The following GRIA1 variants were observed in gnomAD, a reference collection of about 807,000 sequenced individuals.
GRIA1 encodes the protein glutamate receptor 1.
In GRIA1, 31 loss-of-function variants were observed where a neutral mutation model predicts 99.2. The observed-to-expected ratio is 0.31, with a 90% CI of 0.23 to 0.42. GRIA1 has a LOEUF of 0.42. Ranked by LOEUF, GRIA1 falls within the 10% of genes least tolerant of loss-of-function variation. GRIA1 has a pLI of 1.00. For synonymous variants in GRIA1, 438 were observed against 432.4 expected (o/e 1.01, Z -0.16); for missense variants, 782 against 1,157.5 (o/e 0.68, Z 4.71).
intron 11 of GRIA1, among the ~76,000 whole-genome samples, chr5:153,710,847 C>T (rs1267197788): frequency 6.6e-6 from 1 of 152,074 alleles, no homozygotes; most frequent in East Asian, 1.9e-4. Context: ...TTGGGATGTG[C>T]TATGAATAAA....
chr5:153,796,132 G>T (rs1233354102), intron 14 of GRIA1, among the ~76,000 whole-genome samples: 1 of 151,534 alleles, frequency 6.6e-6, no homozygotes, highest in Admixed American at 6.6e-5. Context: ...CTCCAAGCAG[G>T]GTTCTCCATC....
chr5:153,769,941 A>C (rs928369355), intron 12 of GRIA1, among the ~76,000 whole-genome samples: 1 of 152,142 alleles, frequency 6.6e-6, no homozygotes, highest in Non-Finnish European at 1.5e-5. Context: ...GAAGTAATTA[A>C]AAGATCTGAG....
chr5:153,587,880 C>A (rs1198262325), intron 2 of GRIA1, among the ~76,000 whole-genome samples: 2 of 152,124 alleles, frequency 1.3e-5, no homozygotes, highest in South Asian at 2.1e-4. Flanking sequence ...ATGGATAATG[C>A]CACTGTGATG....
chr5:153,583,387 TA>T (rs1763212460), intron 2 of GRIA1, among the ~76,000 whole-genome samples: 1 of 152,180 alleles, frequency 6.6e-6, no homozygotes, highest in South Asian at 2.1e-4. Flanking sequence ...GTGCTCTCTC[TA>T]AAACCTGTAA....
At chr5:153,675,053 G>GA (rs1288577710) in intron 6 of GRIA1, among the ~76,000 whole-genome samples, 27 of 151,094 alleles carry the variant, frequency 1.8e-4, no homozygotes, top group East Asian at 7.8e-4. Flanking sequence ...CCAGTAGGAA[G>GA]AAAAAAAAAC....
At chr5:153,736,389 T>C (rs1761380168) in intron 11 of GRIA1, among the ~76,000 whole-genome samples, 1 of 152,172 alleles carries the variant, frequency 6.6e-6, no homozygotes, top group Non-Finnish European at 1.5e-5. Context: ...AGAAGAAGCA[T>C]TAACCAACTG....
At position 153,698,166 on chromosome 5, in the gene GRIA1, G is replaced by A. The variant is rs377137171; in HGVS notation, c.1245+12G>A. 2.7e-5 allele frequency: 38 copies of A among 1,387,844 alleles called. No individual in the cohort carries two copies. The African/African-American group carries it at 5.0e-4, about 18-fold the overall frequency. The allele number at this position is 1,387,844 out of a possible 1,614,324, so 86.0% of individuals were successfully genotyped here. On this transcript the variant is annotated intron_variant, in intron 9 of 15. Coordinates refer to ENST00000285900, the MANE Select transcript of GRIA1 (RefSeq NM_000827.4). ...TCACAACAATCCTAGTGAGTACTCA[G>A]TCCTTCATCAAGGTTACTTGGGATT... is the stretch of plus-strand genomic sequence containing the variant.
At chr5:153,696,599 A>G (rs1298702901) in intron 8 of GRIA1, among the ~76,000 whole-genome samples, 2 of 152,242 alleles carry the variant, frequency 1.3e-5, no homozygotes, top group East Asian at 3.8e-4. Flanking sequence ...AACTGAAGGA[A>G]CTGGGAAAGA....
chr5:153,769,173 G>C (rs1051006676), intron 12 of GRIA1, among the ~76,000 whole-genome samples: 1 of 152,146 alleles, frequency 6.6e-6, no homozygotes. Context: ...TCCCATAAGA[G>C]TATCAGCCCT....
intron 11 of GRIA1, among the ~76,000 whole-genome samples, chr5:153,742,866 G>T (rs1184906602): frequency 1.3e-5 from 2 of 152,212 alleles, no homozygotes; most frequent in African/African-American, 4.8e-5. Context: ...CCTATTTTAA[G>T]ATCCCTAACC....
At chr5:153,509,998 T>C (rs1362764292) in intron 2 of GRIA1, among the ~76,000 whole-genome samples, 1 of 152,156 alleles carries the variant, frequency 6.6e-6, no homozygotes, top group Non-Finnish European at 1.5e-5. Flanking sequence ...AGATCTAAAG[T>C]CTCTTTGATC....
chr5:153,600,235 CA>C (rs900121268), intron 2 of GRIA1, among the ~76,000 whole-genome samples: 13 of 151,304 alleles, frequency 8.6e-5, no homozygotes, highest in African/African-American at 2.4e-4. Context: ...ACTAAAAATA[CA>C]AAAAAACTAG....
At chr5:153,547,168 T>G (rs774766728) in intron 2 of GRIA1, among the ~76,000 whole-genome samples, 1 of 150,090 alleles carries the variant, frequency 6.7e-6, no homozygotes, top group African/African-American at 2.5e-5. Context: ...ATGAGACTTT[T>G]TGTGTGATTT....
intron 2 of GRIA1, among the ~76,000 whole-genome samples, chr5:153,591,456 C>G (rs1763968214): frequency 1.3e-5 from 2 of 152,342 alleles, no homozygotes; most frequent in South Asian, 4.1e-4. Flanking sequence ...GTCAGATCCT[C>G]ATTCACAGGT....
chr5:153,561,633 T>C (rs1226535567), intron 2 of GRIA1, among the ~76,000 whole-genome samples: 1 of 152,214 alleles, frequency 6.6e-6, no homozygotes, highest in Non-Finnish European at 1.5e-5. Context: ...GCTTTTACCT[T>C]GGCTTAAAGC....
chr5:153,766,509 G>C (rs1403380698), intron 12 of GRIA1, among the ~76,000 whole-genome samples: 1 of 152,130 alleles, frequency 6.6e-6, no homozygotes, highest in Admixed American at 6.6e-5. Flanking sequence ...TGTGACCTCA[G>C]GCAGAAGAGG....
intron 2 of GRIA1, among the ~76,000 whole-genome samples, chr5:153,593,170 G>A (rs1377296210): frequency 6.6e-6 from 1 of 152,174 alleles, no homozygotes; most frequent in African/African-American, 2.4e-5. Flanking sequence ...GGGAGGCTGA[G>A]GCATGAGAAT....
At chr5:153,709,738 G>A (rs1759175833) in intron 11 of GRIA1, among the ~76,000 whole-genome samples, 1 of 152,138 alleles carries the variant, frequency 6.6e-6, no homozygotes, top group African/African-American at 2.4e-5. Context: ...TGTCTTTTTG[G>A]ATCAGAAGAA....
intron 4 of GRIA1, 24 bp from the exon 5 acceptor site, chr5:153,655,795 G>T (rs1302293365): frequency 6.2e-7 from 1 of 1,605,028 alleles, no homozygotes; most frequent in South Asian, 1.1e-5. Flanking sequence ...TGATTAATGA[G>T]TCTCCACCTA....
Sources: gnomAD v4.1 joint callset for allele counts (sites outside exome capture counted in the v4.1 genomes callset) on GRCh38, gnomAD v4.1.1 for gene constraint, MANE v1.5 for transcripts, NCBI Gene and HGNC (gene_info 2026-07-23, HGNC 2026-07-21) for gene names.